SIPA1L1: variants seen among roughly 807,000 people sequenced by gnomAD.
SIPA1L1 encodes the protein signal induced proliferation associated 1 like 1.
Under a neutral mutation model 162.7 loss-of-function variants are expected in SIPA1L1, and 26 were observed. The observed-to-expected ratio is 0.16, with a 90% CI of 0.12 to 0.22. SIPA1L1 has a LOEUF of 0.22. Among genes scored for constraint, SIPA1L1 ranks in the 10% least tolerant of loss-of-function variants. The probability of loss-of-function intolerance (pLI) is 1.00; values close to 1 mark genes in which losing one functional copy is unlikely to be tolerated. For synonymous variants in SIPA1L1, 829 were observed against 837.4 expected (o/e 0.99, Z 0.17); for missense variants, 1,874 against 2,241.0 (o/e 0.84, Z 3.31).
chr14:71,349,031 A>C (rs142766595), intron 2 of SIPA1L1, among the ~76,000 whole-genome samples: 231 of 152,348 alleles, frequency 1.5e-3, no homozygotes, highest in Non-Finnish European at 2.5e-3. Flanking sequence ...GGTCAGTACT[A>C]CTGTTAGCAA....
intron 2 of SIPA1L1, among the ~76,000 whole-genome samples, chr14:71,411,480 C>G (rs2042399423): frequency 6.6e-6 from 1 of 152,150 alleles, no homozygotes; most frequent in Non-Finnish European, 1.5e-5. Flanking sequence ...GCTGCCTTCC[C>G]CAGTTGTCTT....
rs186026121 is a variant in SIPA1L1, at chr14:71,664,372, T to C, written c.2255+2905T>C. Among the ~76,000 whole-genome samples, 4 of 152,348 alleles carry C rather than the reference T, an allele frequency of 2.6e-5. No individual in the cohort carries two copies. In the East Asian group the frequency reaches 7.7e-4, roughly 29 times the overall value. The stretch of plus-strand genomic sequence containing the variant: ...CTAATTTAATTTTATCCCTAAGTGA[T>C]ATAGCTAGAGTAACTCAAATGCTTT... On this transcript the variant is annotated intron_variant, in intron 10 of 23. Transcript: ENST00000381232.
At chr14:71,455,587 A>G (rs1255912134) in intron 2 of SIPA1L1, among the ~76,000 whole-genome samples, 2 of 152,168 alleles carry the variant, frequency 1.3e-5, no homozygotes, top group Non-Finnish European at 2.9e-5. Context: ...AGCAATAATA[A>G]TAATGTTTAC....
At chr14:71,710,807 CAAAAAAAA>C (rs570414143) in intron 17 of SIPA1L1, among the ~76,000 whole-genome samples, 1 of 57,672 alleles carries the variant, frequency 1.7e-5, no homozygotes, top group Admixed American at 1.8e-4. Context: ...GATTCTGTCT[CAAAAAAAA>C]AAAAAAAAAA....
chr14:71,549,997 A>T (rs2055641564), intron 4 of SIPA1L1, among the ~76,000 whole-genome samples: 1 of 136,620 alleles, frequency 7.3e-6, no homozygotes, highest in African/African-American at 2.9e-5. Context: ...GGTGGCTCAC[A>T]CCTGTGATCC....
At position 71,377,577 on chromosome 14, in the gene SIPA1L1, C is replaced by T. The variant is rs900725296; in HGVS notation, c.-465+56396C>T. Among the ~76,000 whole-genome samples, 7 of 152,182 alleles carry T rather than the reference C, an allele frequency of 4.6e-5. No homozygotes were observed. Among genetic ancestry groups the T allele is most frequent in the South Asian group, 2.1e-4 (1 of 4,828 alleles). ...GCTCCTCACTTCCTACACGGGGTGGCGGCCGGGCAGAGGCTGCAATCTCAG... is the reference window on the plus strand; with the variant it reads ...GCTCCTCACTTCCTACACGGGGTGGTGGCCGGGCAGAGGCTGCAATCTCAG... On this transcript the variant is annotated intron_variant, in intron 2 of 23. Transcript: ENST00000381232. The surrounding 1 kb of genome is among the most constrained non-coding windows in gnomAD (Gnocchi z 4.8).
At chr14:71,692,735 C>G (rs1286629353) in intron 13 of SIPA1L1, among the ~76,000 whole-genome samples, 4 of 152,232 alleles carry the variant, frequency 2.6e-5, no homozygotes, top group Non-Finnish European at 5.9e-5. Context: ...TCCAGCTCTT[C>G]AGTTACTTAC....
chr14:71,402,938 G>A (rs560294529), intron 2 of SIPA1L1, among the ~76,000 whole-genome samples: 24 of 152,250 alleles, frequency 1.6e-4, no homozygotes, highest in Non-Finnish European at 2.4e-4. Flanking sequence ...TTTTATAACT[G>A]CCGCTGTCCC....
At chr14:71,734,212 C>T (rs948157664) in intron 21 of SIPA1L1, among the ~76,000 whole-genome samples, 5 of 152,264 alleles carry the variant, frequency 3.3e-5, no homozygotes, top group Admixed American at 2.0e-4. Flanking sequence ...AAATGTGGGG[C>T]GCCCCCTTTG....
At chr14:71,580,677 T>A (rs997680559) in intron 4 of SIPA1L1, among the ~76,000 whole-genome samples, 2 of 152,198 alleles carry the variant, frequency 1.3e-5, no homozygotes, top group Non-Finnish European at 2.9e-5. Flanking sequence ...ACCTGACATC[T>A]GTTGGATTTT....
chr14:71,332,182 T>A (rs1019932539), intron 2 of SIPA1L1, among the ~76,000 whole-genome samples: 1 of 152,190 alleles, frequency 6.6e-6, no homozygotes, highest in African/African-American at 2.4e-5. Context: ...AATTTTTGTT[T>A]GCATAGGTGG....
At chr14:71,462,453 A>G (rs1289628557) in intron 2 of SIPA1L1, among the ~76,000 whole-genome samples, 14 of 152,190 alleles carry the variant, frequency 9.2e-5, no homozygotes, top group Admixed American at 9.2e-4. Flanking sequence ...CACTTGATAA[A>G]TGGGCCAGAG....
chr14:71,399,536 C>G (rs2041495853), intron 2 of SIPA1L1, among the ~76,000 whole-genome samples: 1 of 151,970 alleles, frequency 6.6e-6, no homozygotes, highest in Non-Finnish European at 1.5e-5. Flanking sequence ...TTCTGAGTAG[C>G]TTGGACCACA....
chr14:71,618,712 T>C (rs1237398811), intron 5 of SIPA1L1, 45 bp from the exon 6 acceptor site: 3 of 1,581,782 alleles, frequency 1.9e-6, no homozygotes, highest in Non-Finnish European at 2.6e-6. Flanking sequence ...ATTTTCAAAG[T>C]GTTAGGTAGA....
chr14:71,705,478 G>A, intron 16 of SIPA1L1, 138 bp downstream of exon 16: 1 of 709,196 alleles, frequency 1.4e-6, no homozygotes, highest in Non-Finnish European at 2.5e-6. Flanking sequence ...TGCTGCCATG[G>A]CCTTGCAGTT....
chr14:71,434,028 GA>G (rs2044196113), intron 2 of SIPA1L1, among the ~76,000 whole-genome samples: 2 of 152,174 alleles, frequency 1.3e-5, no homozygotes, highest in Non-Finnish European at 2.9e-5. Flanking sequence ...TCTTCCATGT[GA>G]TTGTGACTAA....
Position 71,453,996 on chromosome 14 carries a change from C to CAA in SIPA1L1, c.-464-58719_-464-58718dup, listed in dbSNP as rs751420064. On this transcript the variant is annotated intron_variant, in intron 2 of 23. Coordinates refer to ENST00000381232, the MANE Select transcript of SIPA1L1 (RefSeq NM_001386936.1). ...CCTGGGTGACAGGGCGAGATTGTTT[C>CAA]AAAAAAAAAAAAAAAAAAAAAAAAA... Among the ~76,000 whole-genome samples the CAA allele has an allele frequency of 9.5e-3, 723 of 76,502 alleles. 28 individuals are homozygous for CAA. The highest frequency in any genetic ancestry group is 0.021 in the African/African-American group (340 of 15,840). 50.2% of individuals were successfully genotyped at this position (76,502 alleles called of 152,430 possible). A position where few individuals can be genotyped will look rare whatever the true frequency, so the allele number is the denominator to read the frequency against.
intron 4 of SIPA1L1, among the ~76,000 whole-genome samples, chr14:71,583,170 T>A (rs996176193): frequency 2.3e-4 from 35 of 152,224 alleles, no homozygotes; most frequent in African/African-American, 7.7e-4. Flanking sequence ...TTGTTGTTTG[T>A]TTAAGAGCCT....
intron 4 of SIPA1L1, among the ~76,000 whole-genome samples, chr14:71,556,547 T>G (rs536520331): frequency 1.1e-4 from 17 of 152,226 alleles, no homozygotes; most frequent in Admixed American, 3.9e-4. Context: ...TTGGGTTTAA[T>G]TAATTTGCTG....
Sources: allele counts gnomAD v4.1 joint callset (sites outside exome capture counted in the v4.1 genomes callset), GRCh38; gene constraint gnomAD v4.1.1; non-coding constraint Gnocchi (gnomAD v3.1); transcripts MANE v1.5; gene names NCBI Gene and HGNC (gene_info 2026-07-23, HGNC 2026-07-21).